FNBP1L: variants seen among roughly 807,000 people sequenced by gnomAD.
The protein encoded by FNBP1L is formin-binding protein 1-like.
A neutral mutation model predicts 91.2 loss-of-function variants in FNBP1L; 36 were observed. That is an observed-to-expected ratio of 0.39 (90% CI 0.30 to 0.52). The LOEUF (loss-of-function observed/expected upper bound fraction) is 0.52, where lower values mean the gene tolerates loss of function less well. FNBP1L is among the 20% of genes least tolerant of loss of function. The pLI is 0.66. For synonymous variants in FNBP1L, 242 were observed against 237.0 expected (o/e 1.02, Z -0.19); for missense variants, 571 against 732.1 (o/e 0.78, Z 2.54).
chr1:93,550,812 T>C, intron 15 of FNBP1L, 135 bp from the exon 16 acceptor site: 1 of 802,850 alleles, frequency 1.2e-6, no homozygotes, highest in African/African-American at 1.7e-5. Flanking sequence ...ACAATAGAGA[T>C]GTTGCTAGTG....
intron 1 of FNBP1L, among the ~76,000 whole-genome samples, chr1:93,476,701 G>T (rs1225024241): frequency 1.3e-5 from 2 of 151,962 alleles, no homozygotes; most frequent in Non-Finnish European, 2.9e-5. Flanking sequence ...GTGTGAGTGG[G>T]CAGAGGGGGG....
intron 12 of FNBP1L, among the ~76,000 whole-genome samples, chr1:93,544,491 A>G (rs749936119): frequency 6.6e-6 from 1 of 152,124 alleles, no homozygotes; most frequent in Non-Finnish European, 1.5e-5. Flanking sequence ...TTTCATCAGC[A>G]CTACCTCTTA....
chr1:93,540,586 G>A (rs1347545144), intron 10 of FNBP1L, among the ~76,000 whole-genome samples: 4 of 151,960 alleles, frequency 2.6e-5, no homozygotes, highest in Non-Finnish European at 4.4e-5. Flanking sequence ...AAAAATGTAG[G>A]TAATAGTGTT....
At chr1:93,512,394 A>T (rs1670888436) in intron 2 of FNBP1L, among the ~76,000 whole-genome samples, 1 of 151,574 alleles carries the variant, frequency 6.6e-6, no homozygotes, top group Admixed American at 6.6e-5. Flanking sequence ...ATACCCAGGA[A>T]TTGAACTCAG....
At chr1:93,479,891 A>T (rs1669634654) in intron 1 of FNBP1L, among the ~76,000 whole-genome samples, 1 of 152,236 alleles carries the variant, frequency 6.6e-6, no homozygotes, top group African/African-American at 2.4e-5. Flanking sequence ...GGTGACGTAC[A>T]TCCTCAGCTT....
intron 9 of FNBP1L, 121 bp downstream of exon 9, chr1:93,535,029 T>A: frequency 1.3e-6 from 1 of 790,210 alleles, no homozygotes; most frequent in Non-Finnish European, 2.0e-6. Flanking sequence ...TTTGAATGAT[T>A]CAGTTAACCT....
intron 8 of FNBP1L, among the ~76,000 whole-genome samples, chr1:93,533,317 T>G (rs1317098474): frequency 6.6e-6 from 1 of 152,152 alleles, no homozygotes; most frequent in Non-Finnish European, 1.5e-5. Flanking sequence ...TCAGTTCTTA[T>G]CAAAGAGTCT....
chr1:93,516,803 G>C (rs527915767), intron 2 of FNBP1L, among the ~76,000 whole-genome samples: 74 of 152,208 alleles, frequency 4.9e-4, no homozygotes, highest in African/African-American at 1.7e-3. Flanking sequence ...CAGTTCATGA[G>C]TTTGTGCTTC....
chr1:93,455,275 C>T (rs1326947082), intron 1 of FNBP1L, among the ~76,000 whole-genome samples: 1 of 152,202 alleles, frequency 6.6e-6, no homozygotes, highest in Non-Finnish European at 1.5e-5. Flanking sequence ...TCACCGCAGC[C>T]TCAAACTCCT....
chr1:93,474,364 C>T (rs1669418684), intron 1 of FNBP1L, among the ~76,000 whole-genome samples: 1 of 152,036 alleles, frequency 6.6e-6, no homozygotes, highest in South Asian at 2.1e-4. Flanking sequence ...CTGTTGGGGC[C>T]CAGAGAAGTG....
chr1:93,450,092 A>G (rs1016025905), intron 1 of FNBP1L, among the ~76,000 whole-genome samples: 75 of 152,316 alleles, frequency 4.9e-4, no homozygotes, highest in African/African-American at 1.8e-3. Flanking sequence ...TTTTTAAAAA[A>G]TTCACTTTGT....
intron 6 of FNBP1L, among the ~76,000 whole-genome samples, chr1:93,530,054 G>A (rs1281742863): frequency 6.6e-6 from 1 of 152,104 alleles, no homozygotes; most frequent in Admixed American, 6.5e-5. Flanking sequence ...TGTGTTGATG[G>A]GGTAATAATT....
chr1:93,452,617 T>C, intron 1 of FNBP1L, among the ~76,000 whole-genome samples: 1 of 152,190 alleles, frequency 6.6e-6, no homozygotes, highest in East Asian at 1.9e-4. Context: ...TTTTTAGAGA[T>C]GGGGTCTTGC....
chr1:93,465,194 G>GT (rs1491549962), intron 1 of FNBP1L, among the ~76,000 whole-genome samples: 2 of 262 alleles, frequency 7.6e-3, no homozygotes, highest in Non-Finnish European at 0.045. Flanking sequence ...TCTCTTTTTT[G>GT]GGGGGGGGGG....
At chr1:93,513,792 A>G (rs1161175763) in intron 2 of FNBP1L, among the ~76,000 whole-genome samples, 4 of 152,226 alleles carry the variant, frequency 2.6e-5, no homozygotes, top group East Asian at 3.8e-4. Context: ...AGCTATCTAC[A>G]ACAAACCCAC....
intron 1 of FNBP1L, among the ~76,000 whole-genome samples, chr1:93,498,974 C>A (rs570824103): frequency 3.3e-5 from 5 of 152,294 alleles, no homozygotes; most frequent in Admixed American, 6.5e-5. Context: ...TTAAATAATT[C>A]TTCACTGAGT....
intron 1 of FNBP1L, among the ~76,000 whole-genome samples, chr1:93,491,034 G>A (rs1670073678): frequency 6.6e-6 from 1 of 151,606 alleles, no homozygotes; most frequent in African/African-American, 2.4e-5. Context: ...CAACCTCCCA[G>A]GCTCAAGCAA....
chr1:93,542,572 A>G (rs567472918), intron 11 of FNBP1L, among the ~76,000 whole-genome samples: 3 of 151,274 alleles, frequency 2.0e-5, no homozygotes, highest in Admixed American at 6.6e-5. Flanking sequence ...ATTAAATGTT[A>G]CATTTAATTA....
At chr1:93,538,164 A>G (rs1305740708) in intron 10 of FNBP1L, among the ~76,000 whole-genome samples, 1 of 151,950 alleles carries the variant, frequency 6.6e-6, no homozygotes, top group Non-Finnish European at 1.5e-5. Flanking sequence ...ACATGTAGTC[A>G]TAGAGATGCG....
Sources: gnomAD v4.1 joint callset for allele counts (sites outside exome capture counted in the v4.1 genomes callset) on GRCh38, gnomAD v4.1.1 for gene constraint, MANE v1.5 for transcripts, NCBI Gene and HGNC (gene_info 2026-07-23, HGNC 2026-07-21) for gene names.